LCOR: variants seen among roughly 807,000 people sequenced by gnomAD.
The protein encoded by LCOR is ligand-dependent corepressor.
Under a neutral mutation model 64.4 loss-of-function variants are expected in LCOR, and 14 were observed. That is an observed-to-expected ratio of 0.22 (90% CI 0.14 to 0.34). LCOR has a LOEUF of 0.34. Ranked by LOEUF, LCOR falls within the 10% of genes least tolerant of loss-of-function variation. LCOR has a pLI of 1.00. For synonymous variants in LCOR, 643 were observed against 642.5 expected (o/e 1.00, Z -0.01); for missense variants, 1,686 against 1,765.3 (o/e 0.96, Z 0.80).
At chr10:96,893,603 A>C (rs968167849) in intron 2 of LCOR, among the ~76,000 whole-genome samples, 1 of 152,066 alleles carries the variant, frequency 6.6e-6, no homozygotes, top group Non-Finnish European at 1.5e-5. Context: ...TCTCTACTAA[A>C]AATACAAAAA....
chr10:96,958,923 AAAAAC>A (rs1783549764), intron 7 of LCOR: 2 of 151,962 alleles, frequency 1.3e-5, no homozygotes, highest in South Asian at 4.1e-4. Context: ...AAAAAAAAAA[AAAAAC>A]AAAAAGCTGC....
At chr10:96,859,165 T>C (rs1845848680) in intron 2 of LCOR, among the ~76,000 whole-genome samples, 1 of 152,204 alleles carries the variant, frequency 6.6e-6, no homozygotes, top group Non-Finnish European at 1.5e-5. Flanking sequence ...GAATGTTTCC[T>C]TCTTTCCATC....
rs1024903703 is a variant in LCOR at position 96,856,529 on chromosome 10, C to T, written c.-330+23050C>T. Among the ~76,000 whole-genome samples the T allele has an allele frequency of 4.0e-5, 6 of 151,150 alleles. No homozygotes were observed. The East Asian group carries it at 9.8e-4, about 25-fold the overall frequency. ...TCTTTCAGTCCCCACTGTCTTACCC[C>T]GTCCCTGTACCCCTCCACTCTGACA... On this transcript the variant is annotated intron_variant, in intron 2 of 7. Transcript: ENST00000421806.
intron 4 of LCOR, among the ~76,000 whole-genome samples, chr10:96,912,590 ATCTTCCTT>A (rs899275164): frequency 1.5e-4 from 17 of 113,126 alleles, no homozygotes; most frequent in African/African-American, 5.9e-4. Context: ...TTTCTGTAAG[ATCTTCCTT>A]TCTTCCTTTC....
chr10:96,895,330 C>T lies in LCOR; in HGVS notation c.-329-11935C>T, dbSNP rs1473145644. ...AGACCAAAAGTGTAAGTGTCATTTTCCCTCACATTCCACATCGGCACATCA... is the reference window on the plus strand; with the variant it reads ...AGACCAAAAGTGTAAGTGTCATTTTTCCTCACATTCCACATCGGCACATCA... On this transcript the variant is annotated intron_variant, in intron 2 of 7. Transcript: ENST00000421806. Among the ~76,000 whole-genome samples, 3 of 152,130 alleles carry T rather than the reference C, an allele frequency of 2.0e-5. No homozygotes were observed. The East Asian group carries it at 5.8e-4, about 29-fold the overall frequency.
chr10:96,983,651 C>T lies in LCOR; in HGVS notation c.3191C>T (p.Ala1064Val), dbSNP rs1241527841. The T allele has an allele frequency of 1.9e-6, 3 of 1,614,122 alleles. No individual in the cohort carries two copies. Among genetic ancestry groups the T allele is most frequent in the Non-Finnish European group, 2.5e-6 (3 of 1,180,012 alleles). ...AAAGTGACTTCAGAAAAGGAAGCTGCACAAGTAAACCCCATAATGCCAAAG... is the reference window on the plus strand; with the variant it reads ...AAAGTGACTTCAGAAAAGGAAGCTGTACAAGTAAACCCCATAATGCCAAAG... The part of the protein sequence containing the change: ...ASKVTSEKEA[A>V]QVNPIMPKEN... Residue 1064 changes from alanine (A) to valine (V), a missense_variant, in exon 8 of 8, where the codon GCA (alanine) becomes GTA (valine). Ala to Val is a moderately conservative substitution (Grantham distance 64). Coordinates refer to ENST00000421806, the MANE Select transcript of LCOR (RefSeq NM_001346516.2). The surrounding 1 kb of genome is among the most constrained non-coding windows in gnomAD (Gnocchi z 4.5).
In LCOR at chr10:96,918,992, G is replaced by A. The variant is rs1464907971; in HGVS notation, c.-184+11245G>A. Among the ~76,000 whole-genome samples the A allele has an allele frequency of 2.0e-5, 3 of 152,278 alleles. No homozygotes were observed. In the East Asian group the frequency reaches 5.8e-4, roughly 29 times the overall value. The stretch of plus-strand genomic sequence containing the variant: ...ATAAGATTTCGTTATCTCTAGCAGT[G>A]CGTTAAGTATAAAAAACTACTGAAG... On this transcript the variant is annotated intron_variant, in intron 4 of 7. Transcript: ENST00000421806.
At chr10:96,895,958 T>C (rs1846530190) in intron 2 of LCOR, among the ~76,000 whole-genome samples, 2 of 152,186 alleles carry the variant, frequency 1.3e-5, no homozygotes, top group Non-Finnish European at 2.9e-5. Context: ...GATGCATGCC[T>C]GTAGTCCAAG....
chr10:96,960,866 C>G (rs1424449588), intron 7 of LCOR: 1 of 152,056 alleles, frequency 6.6e-6, no homozygotes, highest in Non-Finnish European at 1.5e-5. Flanking sequence ...TGGTTTAATT[C>G]TGTACTGGAG....
At chr10:96,970,715 A>C (rs544657591) in intron 7 of LCOR, among the ~76,000 whole-genome samples, 27 of 150,994 alleles carry the variant, frequency 1.8e-4, no homozygotes, top group African/African-American at 5.4e-4. Flanking sequence ...GCTGGAGTGA[A>C]GTGGCATGAT....
At chr10:96,922,936 TATTC>T (rs1847106905) in intron 4 of LCOR, among the ~76,000 whole-genome samples, 1 of 152,240 alleles carries the variant, frequency 6.6e-6, no homozygotes, top group Non-Finnish European at 1.5e-5. Flanking sequence ...TTTGGTTTTC[TATTC>T]ATTAACTTGA....
chr10:96,902,649 C>G (rs1177483239), intron 2 of LCOR, among the ~76,000 whole-genome samples: 3 of 152,146 alleles, frequency 2.0e-5, no homozygotes, highest in African/African-American at 7.2e-5. Flanking sequence ...CCAATACTTT[C>G]ACTTTGTGAC....
intron 2 of LCOR, among the ~76,000 whole-genome samples, chr10:96,876,138 A>T (rs960553059): frequency 1.3e-5 from 2 of 152,268 alleles, no homozygotes; most frequent in East Asian, 3.9e-4. Context: ...TAAAGAAAAG[A>T]CATTGATTTC....
Position 96,981,711 on chromosome 10 carries a change from T to A in LCOR, c.1251T>A (p.Asp417Glu). ...ATCCCAGTGATAAGGGCCAGTTTGA[T>A]CATTCCAAAGATGGTTGGTTAGGCC... is the stretch of plus-strand genomic sequence containing the variant. ...HLHPSDKGQF[D>E]HSKDGWLGPG... The change falls in exon 8 of 8, where the codon GAT (aspartate) becomes GAA (glutamate). Residue 417 changes from aspartate to glutamate, a missense_variant. Transcript: ENST00000421806. 2 of 1,614,208 alleles carry A rather than the reference T, an allele frequency of 1.2e-6. No homozygotes were observed. Among genetic ancestry groups the A allele is most frequent in the Non-Finnish European group, 1.7e-6 (2 of 1,180,038 alleles).
rs551727042 is a variant in LCOR at position 96,916,180 on chromosome 10, C to T, written c.-184+8433C>T. On this transcript the variant is annotated intron_variant, in intron 4 of 7. Coordinates refer to ENST00000421806, the MANE Select transcript of LCOR (RefSeq NM_001346516.2). Reference sequence around the variant, plus strand: ...CTGAGTAGCTGGGACTACAGGTGCCCGCCACCACTCCCGTCTAACTTTTTG... The same window carrying T: ...CTGAGTAGCTGGGACTACAGGTGCCTGCCACCACTCCCGTCTAACTTTTTG... Among the ~76,000 whole-genome samples, 6 of 152,056 alleles carry T rather than the reference C, an allele frequency of 3.9e-5. No individual in the cohort carries two copies. In the East Asian group the frequency reaches 7.8e-4, roughly 20 times the overall value.
chr10:96,852,150 G>T (rs4542327), intron 2 of LCOR, among the ~76,000 whole-genome samples: 8 of 152,160 alleles, frequency 5.3e-5, no homozygotes, highest in Admixed American at 4.6e-4. Flanking sequence ...AACACATTGG[G>T]TCATGCCTGT....
At position 96,988,759 on chromosome 10, in the gene LCOR, A is replaced by C. The variant is rs1848170868; in HGVS notation, c.*3625A>C. 1 of 152,266 alleles carries C rather than the reference A, an allele frequency of 6.6e-6. No individual in the cohort carries two copies. The highest frequency in any genetic ancestry group is 1.5e-5 in the Non-Finnish European group (1 of 68,052). 9.4% of individuals were successfully genotyped at this position (152,266 alleles called of 1,614,324 possible). On this transcript the variant is annotated 3_prime_UTR_variant, in exon 8 of 8. Coordinates refer to ENST00000421806, the MANE Select transcript of LCOR (RefSeq NM_001346516.2). Reference sequence around the variant, plus strand: ...GTGTTACTATCAGCAAGTTCTGTGCAGACTGCCTTTCGGATTCCAGATGAT... The same window carrying C: ...GTGTTACTATCAGCAAGTTCTGTGCCGACTGCCTTTCGGATTCCAGATGAT...
rs375609010 is a variant in LCOR, at chr10:96,970,125, C to T, written c.333-10668C>T. ...TATTAAATTGACTTGAGGCTGGGTG[C>T]GGTGGGTCACGCCTGTAATCCCAGC... On this transcript the variant is annotated intron_variant, in intron 7 of 7. Transcript: ENST00000421806. Among the ~76,000 whole-genome samples, 184 of 150,012 alleles carry T rather than the reference C, an allele frequency of 1.2e-3. 2 individuals carry two copies. Among genetic ancestry groups the T allele is most frequent in the African/African-American group, 4.4e-3 (180 of 40,966 alleles).
intron 2 of LCOR, among the ~76,000 whole-genome samples, chr10:96,863,235 A>C (rs1589613626): frequency 8.6e-5 from 9 of 104,144 alleles, no homozygotes; most frequent in Admixed American, 1.1e-4. Flanking sequence ...ATGGAGTCTC[A>C]CTCTGTTGCT....
Sources: allele counts gnomAD v4.1 joint callset (sites outside exome capture counted in the v4.1 genomes callset), GRCh38; gene constraint gnomAD v4.1.1; non-coding constraint Gnocchi (gnomAD v3.1); transcripts MANE v1.5; gene names NCBI Gene and HGNC (gene_info 2026-07-23, HGNC 2026-07-21).